The following CACNA1E variants were observed in gnomAD, a reference collection of about 807,000 sequenced individuals.
CACNA1E encodes the protein voltage-dependent R-type calcium channel subunit alpha-1E.
CACNA1E carries 40 observed loss-of-function variants against 259.2 expected under a neutral mutation model. The ratio of observed to expected loss-of-function variants is 0.15; its 90% CI spans 0.12 to 0.20. The LOEUF (loss-of-function observed/expected upper bound fraction) is 0.20, where lower values mean the gene tolerates loss of function less well. CACNA1E is among the 10% of genes least tolerant of loss of function. The probability of loss-of-function intolerance (pLI) is 1.00; values close to 1 mark genes in which losing one functional copy is unlikely to be tolerated. For synonymous variants in CACNA1E, 1,104 were observed against 1,138.5 expected, an observed-to-expected ratio of 0.97 and a Z score of 0.61; for missense variants, 1,874 against 3,040.1, an observed-to-expected ratio of 0.62 and a Z score of 9.02.
At position 181,799,251 on chromosome 1, in the gene CACNA1E, C is replaced by T. The variant is rs1254581672; in HGVS notation, c.*417C>T. Reference sequence around the variant, plus strand: ...CTCTTAACTGGGGAGTAGTGGAGACCATAGGAGAGGACTCTCCTCCCTCAC... The same window carrying T: ...CTCTTAACTGGGGAGTAGTGGAGACTATAGGAGAGGACTCTCCTCCCTCAC... On this transcript the variant is annotated 3_prime_UTR_variant, in exon 48 of 48. Transcript: ENST00000367573. 1 of 158,092 alleles carries T rather than the reference C, an allele frequency of 6.3e-6. No homozygotes were observed. Among genetic ancestry groups the T allele is most frequent in the African/African-American group, 2.4e-5 (1 of 41,632 alleles). The allele number at this position is 158,092 out of a possible 1,614,324, so 9.8% of individuals were successfully genotyped here.
At chr1:181,443,795 C>G (rs1660644325) in intron 2 of CACNA1E, among the ~76,000 whole-genome samples, 1 of 152,208 alleles carries the variant, frequency 6.6e-6, no homozygotes, top group Admixed American at 6.5e-5. Context: ...TTCTCTTCCC[C>G]CTGCAGCACA....
chr1:181,561,044 C>T (rs1293453126), intron 3 of CACNA1E, among the ~76,000 whole-genome samples: 1 of 152,106 alleles, frequency 6.6e-6, no homozygotes, highest in Non-Finnish European at 1.5e-5. Context: ...TGGTCAGATT[C>T]ACAGGCAGAA....
At chr1:181,734,575 C>A (rs1460726247) in intron 21 of CACNA1E, among the ~76,000 whole-genome samples, 1 of 143,652 alleles carries the variant, frequency 7.0e-6, no homozygotes. Flanking sequence ...CTCATCCCTG[C>A]ATTATGAATT....
At chr1:181,597,641 G>A (rs1000279516) in intron 6 of CACNA1E, among the ~76,000 whole-genome samples, 2 of 152,146 alleles carry the variant, frequency 1.3e-5, no homozygotes, top group African/African-American at 4.8e-5. Flanking sequence ...CACTGTATTA[G>A]TCCGTTTTCA....
chr1:181,733,482 C>A lies in CACNA1E; in HGVS notation c.2994C>A (p.Gly998=). 1.3e-6 allele frequency: 2 copies of A among 1,570,454 alleles called. No homozygotes were observed. Among genetic ancestry groups the A allele is most frequent in the Non-Finnish European group, 1.7e-6 (2 of 1,156,774 alleles). Residue 998 remains glycine, a synonymous_variant, in exon 21 of 48, where the codon GGC becomes GGA. Transcript: ENST00000367573. ...CCAGAGGCTCCGGGCTGGCAGGAGG[C>A]CTTGATGAGGCTGACACCCCCCTAG... ...MVSRGSGLAG[G]LDEADTPLVL...
chr1:181,391,937 CTCTCTCTCTG>C (rs1221480327), intron 1 of CACNA1E, among the ~76,000 whole-genome samples: 1,435 of 74,874 alleles, frequency 0.019, 21 homozygotes, highest in African/African-American at 0.054. Flanking sequence ...CTCTCTCTCT[CTCTCTCTCTG>C]TGTGTGTGTG....
chr1:181,558,143 G>A (rs1648934136), intron 3 of CACNA1E, among the ~76,000 whole-genome samples: 1 of 152,232 alleles, frequency 6.6e-6, no homozygotes, highest in Non-Finnish European at 1.5e-5. Flanking sequence ...GGGCAGTCTT[G>A]AAGCTACACT....
intron 2 of CACNA1E, among the ~76,000 whole-genome samples, chr1:181,448,993 A>C (rs1465646315): frequency 6.6e-6 from 1 of 152,202 alleles, no homozygotes; most frequent in African/African-American, 2.4e-5. Context: ...TCATAATGGG[A>C]GGAGCTGTGC....
chr1:181,763,259 C>T, intron 33 of CACNA1E, 147 bp from the exon 34 acceptor site: 1 of 645,804 alleles, frequency 1.5e-6, no homozygotes, highest in East Asian at 2.7e-5. Context: ...GCCTCACTGG[C>T]CAGCCCATCA....
intron 3 of CACNA1E, among the ~76,000 whole-genome samples, chr1:181,556,743 G>C (rs1297374067): frequency 6.6e-6 from 1 of 152,186 alleles, no homozygotes; most frequent in Admixed American, 6.5e-5. Flanking sequence ...GTCATAATGA[G>C]GTCATGGACT....
At chr1:181,597,852 T>G (rs1653348916) in intron 6 of CACNA1E, among the ~76,000 whole-genome samples, 1 of 152,196 alleles carries the variant, frequency 6.6e-6, no homozygotes, top group South Asian at 2.1e-4. Context: ...TCAGATCTTG[T>G]GAGACTCATT....
intron 3 of CACNA1E, among the ~76,000 whole-genome samples, chr1:181,556,486 G>A (rs9286843): frequency 0.81 from 123,550 of 152,128 alleles, 50,790 homozygotes; most frequent in Non-Finnish European, 0.88. Flanking sequence ...AGGGGCCCCT[G>A]TGGGAGGGGG....
chr1:181,413,908 A>T (rs931925687), intron 2 of CACNA1E, among the ~76,000 whole-genome samples: 4 of 152,232 alleles, frequency 2.6e-5, no homozygotes, highest in Non-Finnish European at 4.4e-5. Flanking sequence ...AGCTTTCCTG[A>T]AAGCCAGGGA....
At chr1:181,759,153 A>G (rs1254410361) in intron 32 of CACNA1E, among the ~76,000 whole-genome samples, 1 of 152,238 alleles carries the variant, frequency 6.6e-6, no homozygotes, top group African/African-American at 2.4e-5. Context: ...TTATGTGTAG[A>G]TGAAGGAGGA....
intron 45 of CACNA1E, among the ~76,000 whole-genome samples, 157 bp from the exon 46 acceptor site, chr1:181,794,707 C>A (rs1298626640): frequency 1.3e-5 from 2 of 152,208 alleles, no homozygotes; most frequent in African/African-American, 4.8e-5. Context: ...CAGTTTCCAC[C>A]AGCTAAGGTT....
rs1332781054 is a variant in CACNA1E at position 181,803,641 on chromosome 1, CCAGT to C, written c.*4811_*4814del. 4 of 152,194 alleles carry C rather than the reference CCAGT, an allele frequency of 2.6e-5. No individual in the cohort carries two copies. The highest frequency in any genetic ancestry group is 5.9e-5 in the Non-Finnish European group (4 of 68,052). 9.4% of individuals were successfully genotyped at this position (152,194 alleles called of 1,614,324 possible). A position where few individuals can be genotyped will look rare whatever the true frequency, so the allele number is the denominator to read the frequency against. On this transcript the variant is annotated 3_prime_UTR_variant, in exon 48 of 48. Transcript: ENST00000367573. Reference sequence around the variant, plus strand: ...TCAGCTGTTAGGTGCTACAGCCCACCCAGTCAGAGTACATAGACATAGCGCTTTA... The same window carrying C: ...TCAGCTGTTAGGTGCTACAGCCCACCCAGAGTACATAGACATAGCGCTTTA...
At chr1:181,698,593 T>C (rs527666025) in intron 7 of CACNA1E, among the ~76,000 whole-genome samples, 1 of 152,294 alleles carries the variant, frequency 6.6e-6, no homozygotes, top group African/African-American at 2.4e-5. Flanking sequence ...CATGGCATTT[T>C]GTCACTGTCA....
At chr1:181,352,613 C>T (rs1053398102) in intron 1 of CACNA1E, among the ~76,000 whole-genome samples, 1 of 152,194 alleles carries the variant, frequency 6.6e-6, no homozygotes, top group African/African-American at 2.4e-5. Flanking sequence ...TTCACCGCCT[C>T]CTCTGCCACT....
upstream of CACNA1E, among the ~76,000 whole-genome samples, chr1:181,482,836 C>A (rs547885376): frequency 6.6e-6 from 1 of 152,276 alleles, no homozygotes; most frequent in South Asian, 2.1e-4. Flanking sequence ...GCTCGCACTC[C>A]CGCCCTCTCG....
Sources: allele counts gnomAD v4.1 joint callset (sites outside exome capture counted in the v4.1 genomes callset), GRCh38; gene constraint gnomAD v4.1.1; transcripts MANE v1.5; gene names NCBI Gene and HGNC (gene_info 2026-07-23, HGNC 2026-07-21).